The following ADAMTS10 variants were observed in gnomAD, a reference collection of about 807,000 sequenced individuals.
ADAMTS10 encodes ADAM metallopeptidase with thrombospondin type 1 motif 10.
A neutral mutation model predicts 135.9 loss-of-function variants in ADAMTS10; 48 were observed. The observed-to-expected ratio is 0.35, with a 90% confidence interval of 0.28 to 0.45. ADAMTS10 has a LOEUF of 0.45. Ranked by LOEUF, ADAMTS10 falls within the 20% of genes least tolerant of loss-of-function variation. ADAMTS10 has a pLI of 1.00. For synonymous variants in ADAMTS10, 621 were observed against 647.5 expected (o/e 0.96, Z 0.62); for missense variants, 1,131 against 1,565.2 (o/e 0.72, Z 4.68).
intron 22 of ADAMTS10, 28 bp from the exon 23 acceptor site, chr19:8,585,688 G>T: frequency 6.2e-7 from 1 of 1,607,966 alleles, no homozygotes; most frequent in Non-Finnish European, 8.5e-7. Flanking sequence ...GTCTGAGCAA[G>T]TAAGCAGGGC....
chr19:8,585,016 C>A lies in ADAMTS10; in HGVS notation c.3081G>T (p.Ser1027=). Residue 1027 remains serine, a synonymous_variant, in exon 25 of 26, where the codon TCG becomes TCT. Transcript: ENST00000597188. ...AQCGVGQRQR[S]VRCTSHTGQA... Reference sequence around the variant, plus strand: ...GGCCCGTGTGGCTGGTGCAGCGCACCGAGCGCTGCCGCTGCCCGACGCCGC... The same window carrying A: ...GGCCCGTGTGGCTGGTGCAGCGCACAGAGCGCTGCCGCTGCCCGACGCCGC... 1 of 1,536,692 alleles carries A rather than the reference C, an allele frequency of 6.5e-7. No homozygotes were observed. The highest frequency in any genetic ancestry group is 2.5e-5 in the East Asian group (1 of 40,652).
In ADAMTS10 at chr19:8,601,255, G is replaced by A; in HGVS notation, c.593-110C>T. 8.1e-7 allele frequency: 1 copy of A among 1,232,672 alleles called. No homozygotes were observed. The highest frequency in any genetic ancestry group is 1.3e-5 in the South Asian group (1 of 77,528). 76.4% of individuals were successfully genotyped at this position (1,232,672 alleles called of 1,614,324 possible). On this transcript the variant is annotated intron_variant, in intron 5 of 25. Transcript: ENST00000597188. The surrounding 1 kb of genome is among the most constrained non-coding windows in gnomAD (Gnocchi z 4.6). ...TGGCTACCTCTCTACCCAACAGTCT[G>A]GACAGACAATTTCTGGTCATTCTGC...
rs781864644 is a variant in ADAMTS10 at position 8,605,053 on chromosome 19, C to A, written c.394G>T (p.Ala132Ser). 1 of 1,611,048 alleles carries A rather than the reference C, an allele frequency of 6.2e-7. No individual in the cohort carries two copies. ...CLYAGHLQGQ[A>S]SSSHVAISTC... ...CTGATGGCCACATGGGAGCTGCTGG[C>A]CTGGCCCTGCAGGTGACCAGCGTAG... is the stretch of plus-strand genomic sequence containing the variant. The change falls in exon 4 of 26, where the codon GCC becomes TCC. Residue 132 changes from alanine (A) to serine (S), a missense_variant. By Grantham distance (99) the Ala-to-Ser change is moderately conservative. Coordinates refer to ENST00000597188, the MANE Select transcript of ADAMTS10 (RefSeq NM_030957.4). This position sits in a 1 kb window ranked among gnomAD's most constrained non-coding sequence, Gnocchi z 7.7.
At chr19:8,581,284 C>A (rs2042347152) in intron 25 of ADAMTS10, 2 of 239,268 alleles carry the variant, frequency 8.4e-6, no homozygotes, top group South Asian at 7.3e-5. Flanking sequence ...GACTTCTGTG[C>A]CTTAGTTTCC....
intron 18 of ADAMTS10, 60 bp from the exon 19 acceptor site, chr19:8,586,956 C>T: frequency 1.9e-6 from 3 of 1,561,494 alleles, no homozygotes. Context: ...GCCTGCCTCC[C>T]CTGTCCCCGG....
chr19:8,586,376 G>T lies in ADAMTS10; in HGVS notation c.2498C>A (p.Pro833His), dbSNP rs1159126343. ...SLPPYSWHYAPWTKCSAQCAG... is the reference protein window; with the variant it reads ...SLPPYSWHYAHWTKCSAQCAG... ...ACACTGGGCCGAGCACTTGGTCCAG[G>T]GCGCATAGTGCCAGGAGTAGGGGGG... The change falls in exon 21 of 26, where the codon CCC becomes CAC. Residue 833 changes from proline (P) to histidine (H), a missense_variant. By Grantham distance (77) the Pro-to-His change is moderately conservative. Around this residue, in one of 3 missense-constraint regions of ADAMTS10, gnomAD observed 745 missense variants for 1,056.3 expected, o/e 0.71. Transcript: ENST00000597188. 2.5e-6 allele frequency: 4 copies of T among 1,613,710 alleles called. No individual in the cohort carries two copies. Among genetic ancestry groups the T allele is most frequent in the Non-Finnish European group, 3.4e-6 (4 of 1,179,982 alleles).
intron 18 of ADAMTS10, among the ~76,000 whole-genome samples, chr19:8,587,758 C>A (rs922809200): frequency 6.6e-6 from 1 of 151,732 alleles, no homozygotes; most frequent in Non-Finnish European, 1.5e-5. Flanking sequence ...GGTGAAACCC[C>A]ATCTCTACTA....
Position 8,602,146 on chromosome 19 carries a change from A to G in ADAMTS10, c.593-1001T>C, listed in dbSNP as rs190632836. Among the ~76,000 whole-genome samples the G allele has an allele frequency of 4.7e-4, 71 of 152,318 alleles. 1 individual carries two copies. The East Asian group carries it at 0.013, about 28-fold the overall frequency. On this transcript the variant is annotated intron_variant, in intron 5 of 25. Transcript: ENST00000597188. ...TTAGAACAATCATACTGCCTGATGT[A>G]CTACAACCAGATGGTCTCATGGACC...
Position 8,585,028 on chromosome 19 carries a change from C to T in ADAMTS10, c.3069G>A (p.Gln1023=). The change falls in exon 25 of 26, where the codon CAG becomes CAA. Residue 1023 remains glutamine, a synonymous_variant. Coordinates refer to ENST00000597188, the MANE Select transcript of ADAMTS10 (RefSeq NM_030957.4). ...TGGTGCAGCGCACCGAGCGCTGCCG[C>T]TGCCCGACGCCGCACTGTGCAGAGC... ...GECSAQCGVG[Q]RQRSVRCTSH... is the part of the protein sequence containing the mutation. The T allele has an allele frequency of 6.5e-7, 1 of 1,533,564 alleles. No individual in the cohort carries two copies. Among genetic ancestry groups the T allele is most frequent in the South Asian group, 1.2e-5 (1 of 83,732 alleles). The allele number at this position is 1,533,564 out of a possible 1,614,324, so 95.0% of individuals were successfully genotyped here. A position where few individuals can be genotyped will look rare whatever the true frequency, so the allele number is the denominator to read the frequency against.
rs1429307871 is a variant in ADAMTS10 at position 8,584,974 on chromosome 19, G to A, written c.3123C>T (p.Cys1041=). 1.0e-5 allele frequency: 16 copies of A among 1,546,206 alleles called. No individual in the cohort carries two copies. The highest frequency in any genetic ancestry group is 7.9e-5 in the Admixed American group (4 of 50,942). Residue 1041 remains cysteine, a synonymous_variant, in exon 25 of 26, where the codon TGC becomes TGT. Coordinates refer to ENST00000597188, the MANE Select transcript of ADAMTS10 (RefSeq NM_030957.4). Reference sequence around the variant, plus strand: ...TGGTGGGCGGCCGCAGGGCCTCCGTGCACTCGTGCGACGCCTGGCCCGTGT... The same window carrying A: ...TGGTGGGCGGCCGCAGGGCCTCCGTACACTCGTGCGACGCCTGGCCCGTGT... ...TSHTGQASHE[C]TEALRPPTTQ...
At position 8,586,461 on chromosome 19, in the gene ADAMTS10, G is replaced by A. The variant is rs782298163; in HGVS notation, c.2413C>T (p.Arg805Trp). Residue 805 changes from arginine to tryptophan, a missense_variant, in exon 21 of 26, where the codon CGG becomes TGG. Around this residue, in one of 3 missense-constraint regions of ADAMTS10, gnomAD observed 745 missense variants for 1,056.3 expected, o/e 0.71. Transcript: ENST00000597188. Reference sequence around the variant, plus strand: ...TAGCGGAGGGCAGGCAGCTCGGTCCGGGCCAGCACCTGGAGAAAGGGGGCG... The same window carrying A: ...TAGCGGAGGGCAGGCAGCTCGGTCCAGGCCAGCACCTGGAGAAAGGGGGCG... Reference protein sequence around the residue: ...NASLIVMVLARTELPALRYRF... With the variant: ...NASLIVMVLAWTELPALRYRF... 1.2e-6 allele frequency: 2 copies of A among 1,613,644 alleles called. No individual in the cohort carries two copies. Among genetic ancestry groups the A allele is most frequent in the Non-Finnish European group, 1.7e-6 (2 of 1,180,002 alleles).
chr19:8,583,959 C>A (rs1555736283), intron 25 of ADAMTS10, among the ~76,000 whole-genome samples: 4 of 151,874 alleles, frequency 2.6e-5, no homozygotes, highest in Admixed American at 6.6e-5. Flanking sequence ...GAGTTTGAGA[C>A]CAGCCTGGCC....
In ADAMTS10 at chr19:8,601,866, C is replaced by G. The variant is rs1480302221; in HGVS notation, c.593-721G>C. Among the ~76,000 whole-genome samples the G allele has an allele frequency of 6.6e-6, 1 of 152,168 alleles. No homozygotes were observed. Among genetic ancestry groups the G allele is most frequent in the Non-Finnish European group, 1.5e-5 (1 of 68,034 alleles). On this transcript the variant is annotated intron_variant, in intron 5 of 25. Transcript: ENST00000597188. This position sits in a 1 kb window ranked among gnomAD's most constrained non-coding sequence, Gnocchi z 4.6. Reference sequence around the variant, plus strand: ...GCCAACCTGTTCAGCTACCAGCCTGCCCCGCTGCCCAAATGTCCAACTGAA... The same window carrying G: ...GCCAACCTGTTCAGCTACCAGCCTGGCCCGCTGCCCAAATGTCCAACTGAA...
chr19:8,589,168 T>C, intron 18 of ADAMTS10, 74 bp downstream of exon 18: 2 of 1,602,568 alleles, frequency 1.2e-6, no homozygotes, highest in East Asian at 2.2e-5. Context: ...TCTCAGCTAC[T>C]GCACTGGGAT....
intron 17 of ADAMTS10, 33 bp from the exon 18 acceptor site, chr19:8,589,398 C>A (rs2042487786): frequency 6.2e-7 from 1 of 1,607,232 alleles, no homozygotes; most frequent in Non-Finnish European, 8.5e-7. Flanking sequence ...AGGCGACCCC[C>A]TAACCCACCC....
chr19:8,582,028 C>G lies in ADAMTS10; in HGVS notation c.3203-1026G>C, dbSNP rs958926106. On this transcript the variant is annotated intron_variant, in intron 25 of 25. Coordinates refer to ENST00000597188, the MANE Select transcript of ADAMTS10 (RefSeq NM_030957.4). ...CCTGGGCGACAGAGCGAGACCCTGTCAAACAAACAAACAAACAAACAAACA... is the reference window on the plus strand; with the variant it reads ...CCTGGGCGACAGAGCGAGACCCTGTGAAACAAACAAACAAACAAACAAACA... Among the ~76,000 whole-genome samples the G allele has an allele frequency of 7.4e-5, 4 of 53,922 alleles. No homozygotes were observed. In the East Asian group the frequency reaches 1.1e-3, roughly 15 times the overall value. 35.4% of individuals were successfully genotyped at this position (53,922 alleles called of 152,430 possible).
In ADAMTS10 at chr19:8,605,712, G is replaced by C; in HGVS notation, c.-2C>G. ...GAGGATCTGGCAGGCGGGAGCCATA[G>C]AGGCCACGTGTCCACATGTCTCTCC... is the stretch of plus-strand genomic sequence containing the variant. On this transcript the variant is annotated 5_prime_UTR_variant, in exon 3 of 26. Coordinates refer to ENST00000597188, the MANE Select transcript of ADAMTS10 (RefSeq NM_030957.4). This position sits in a 1 kb window ranked among gnomAD's most constrained non-coding sequence, Gnocchi z 7.7. 1 of 1,605,512 alleles carries C rather than the reference G, an allele frequency of 6.2e-7. No homozygotes were observed. The highest frequency in any genetic ancestry group is 8.5e-7 in the Non-Finnish European group (1 of 1,177,428).
intron 6 of ADAMTS10, among the ~76,000 whole-genome samples, chr19:8,598,105 T>C (rs1387110857): frequency 6.6e-6 from 1 of 152,152 alleles, no homozygotes; most frequent in Non-Finnish European, 1.5e-5. Flanking sequence ...TGAGCCACCA[T>C]GCCTGGCCAT....
Position 8,601,355 on chromosome 19 carries a change from T to C in ADAMTS10, c.593-210A>G, listed in dbSNP as rs1428079342. Among the ~76,000 whole-genome samples the C allele has an allele frequency of 6.7e-6, 1 of 148,800 alleles. No individual in the cohort carries two copies. The highest frequency in any genetic ancestry group is 1.5e-5 in the Non-Finnish European group (1 of 67,512). On this transcript the variant is annotated intron_variant, in intron 5 of 25. Coordinates refer to ENST00000597188, the MANE Select transcript of ADAMTS10 (RefSeq NM_030957.4). This position sits in a 1 kb window ranked among gnomAD's most constrained non-coding sequence, Gnocchi z 4.6. ...GGGCTGCCAAACACCTCATCGTTTT[T>C]CTTATTCTTTTTTTTTTTTTTTTTG...
Sources: gnomAD v4.1 joint callset for allele counts (sites outside exome capture counted in the v4.1 genomes callset) on GRCh38, gnomAD v4.1.1 for gene constraint, gnomAD v4.1.1 regional missense constraint, Gnocchi (gnomAD v3.1) non-coding constraint, MANE v1.5 for transcripts, NCBI Gene and HGNC (gene_info 2026-07-23, HGNC 2026-07-21) for gene names.